The following PER2 variants were observed in gnomAD, a reference collection of about 807,000 sequenced individuals.
PER2 encodes the protein period circadian regulator 2, also known as period circadian protein homolog 2.
Under a neutral mutation model 121.0 loss-of-function variants are expected in PER2, and 66 were observed. That is an observed-to-expected ratio of 0.55 (90% CI 0.45 to 0.67). The LOEUF is 0.67. Ranked by LOEUF, PER2 falls within the 30% of genes least tolerant of loss-of-function variation. The probability of loss-of-function intolerance (pLI) is 0.00; values close to 1 mark genes in which losing one functional copy is unlikely to be tolerated. For missense variants in PER2, 1,521 were observed against 1,635.0 expected (o/e 0.93, Z 1.20); for synonymous variants, 684 against 659.9 (o/e 1.04, Z -0.56).
upstream of PER2, among the ~76,000 whole-genome samples, chr2:238,292,706 G>A (rs948202980): frequency 2.0e-5 from 3 of 149,410 alleles, no homozygotes; most frequent in Non-Finnish European, 3.0e-5. Flanking sequence ...ATTCTAATTC[G>A]CTAAGATTTT....
Position 238,253,409 on chromosome 2 carries a change from G to C in PER2, c.2614C>G (p.Pro872Ala), listed in dbSNP as rs1163195457. 6.2e-7 allele frequency: 1 copy of C among 1,610,498 alleles called. No homozygotes were observed. ...GCAGGCACTGTGAAGCTGGCGTGGGGAGGTGCCGGGGGTGCTGCCACAGTC... is the reference window on the plus strand; with the variant it reads ...GCAGGCACTGTGAAGCTGGCGTGGGCAGGTGCCGGGGGTGCTGCCACAGTC... The part of the protein sequence containing the change: ...PGTVAAPPAP[P>A]HASFTVPAVP... Residue 872 changes from proline (P) to alanine (A), a missense_variant, in exon 19 of 23, where the codon CCC (proline) becomes GCC (alanine). Physicochemically the swap from Pro to Ala is conservative, Grantham distance 27 (BLOSUM62 -1). Transcript: ENST00000254657. This position sits in a 1 kb window ranked among gnomAD's most constrained non-coding sequence, Gnocchi z 5.6.
chr2:238,292,448 C>T (rs1696964624), upstream of PER2, among the ~76,000 whole-genome samples: 1 of 152,152 alleles, frequency 6.6e-6, no homozygotes, highest in Non-Finnish European at 1.5e-5. Flanking sequence ...GTCCCAATGG[C>T]TCCTTTGCAA....
chr2:238,277,695 G>C lies in PER2; in HGVS notation c.230+12C>G, dbSNP rs372260440. The C allele has an allele frequency of 1.2e-6, 2 of 1,613,826 alleles. No homozygotes were observed. The highest frequency in any genetic ancestry group is 2.7e-5 in the African/African-American group (2 of 74,940). The stretch of plus-strand genomic sequence containing the variant: ...CCTGCCCAGCCTCCATCTGGCCAGA[G>C]GCTGAACTCACCTCTGGCGGGCATC... On this transcript the variant is annotated intron_variant, in intron 2 of 22. Coordinates refer to ENST00000254657, the MANE Select transcript of PER2 (RefSeq NM_022817.3).
chr2:238,276,532 G>C (rs970570576), intron 3 of PER2, among the ~76,000 whole-genome samples: 6 of 152,186 alleles, frequency 3.9e-5, no homozygotes, highest in Non-Finnish European at 5.9e-5. Flanking sequence ...CTGAGTGATG[G>C]GATTACAGAG....
Position 238,258,318 on chromosome 2 carries a change from C to A in PER2, c.1858G>T (p.Asp620Tyr). ...GGGCTGACTGTGGCCTTCCGCTTAT[C>A]ACTGGACCTTAGCGCTGGGACGTTT... ...PANVPALRSSDKRKATVSPGP... is the reference protein window; with the variant it reads ...PANVPALRSSYKRKATVSPGP... The change falls in exon 16 of 23, where the codon GAT becomes TAT. Residue 620 changes from aspartate (D) to tyrosine (Y), a missense_variant. By Grantham distance (160) the Asp-to-Tyr change is radical (BLOSUM62 -3). Transcript: ENST00000254657. The A allele has an allele frequency of 1.9e-6, 3 of 1,614,220 alleles. No individual in the cohort carries two copies. The highest frequency in any genetic ancestry group is 2.2e-5 in the East Asian group (1 of 44,892).
the PER2 span, among the ~76,000 whole-genome samples, chr2:238,297,160 C>T: frequency 6.6e-6 from 1 of 152,174 alleles, no homozygotes; most frequent in African/African-American, 2.4e-5. Context: ...CCACATCCAC[C>T]CCGCACATCC....
chr2:238,250,107 C>T lies in PER2; in HGVS notation c.3467+444G>A, dbSNP rs372869623. ...GCAGCCTGATGTGGACACAGAGCCC[C>T]GGGTCACTGCAGAGCAGCCCGCTCC... On this transcript the variant is annotated intron_variant, in intron 21 of 22. Coordinates refer to ENST00000254657, the MANE Select transcript of PER2 (RefSeq NM_022817.3). Among the ~76,000 whole-genome samples, 23 of 152,256 alleles carry T rather than the reference C, an allele frequency of 1.5e-4. No homozygotes were observed. In the East Asian group the frequency reaches 1.5e-3, roughly 10 times the overall value.
At position 238,251,651 on chromosome 2, in the gene PER2, C is replaced by T. The variant is rs569166271; in HGVS notation, c.3222G>A (p.Ser1074=). The T allele has an allele frequency of 9.9e-6, 16 of 1,614,178 alleles. No individual in the cohort carries two copies. The highest frequency in any genetic ancestry group is 4.0e-5 in the African/African-American group (3 of 75,038). Residue 1074 remains serine, a synonymous_variant, in exon 20 of 23, where the codon TCG becomes TCA. Transcript: ENST00000254657. ...CCAGTGAGCCGGAGCCCAGAGACTC[C>T]GAAGCAGCAGAGCCCGAGGCTGAGC... The part of the protein sequence containing the change: ...DLCSASGSAA[S]ESLGSGSLGC...
intron 3 of PER2, among the ~76,000 whole-genome samples, chr2:238,276,623 A>G (rs769662679): frequency 6.6e-6 from 1 of 152,210 alleles, no homozygotes; most frequent in Non-Finnish European, 1.5e-5. Flanking sequence ...GTCTTCAAAC[A>G]TTAATTGAGG....
At chr2:238,287,091 C>T (rs941752168) in intron 1 of PER2, among the ~76,000 whole-genome samples, 8 of 152,196 alleles carry the variant, frequency 5.3e-5, no homozygotes, top group Non-Finnish European at 1.0e-4. Flanking sequence ...GACTGGGAGC[C>T]AGCAGCAGCC....
chr2:238,271,977 T>G (rs1696305070), intron 5 of PER2, among the ~76,000 whole-genome samples: 1 of 152,066 alleles, frequency 6.6e-6, no homozygotes, highest in Admixed American at 6.5e-5. Flanking sequence ...TCCAAGCTTG[T>G]GATAAGCCCC....
upstream of PER2, among the ~76,000 whole-genome samples, chr2:238,292,171 A>G (rs902601967): frequency 7.2e-5 from 11 of 152,250 alleles, no homozygotes; most frequent in Non-Finnish European, 1.5e-4. Flanking sequence ...CTTTTCAAAA[A>G]AAGAAGAAGG....
chr2:238,252,145 G>A lies in PER2; in HGVS notation c.3112-384C>T, dbSNP rs550780410. 5.3e-5 allele frequency among the ~76,000 whole-genome samples: 8 copies of A among 152,284 alleles called. No homozygotes were observed. Among genetic ancestry groups the A allele is most frequent in the African/African-American group, 1.7e-4 (7 of 41,542 alleles). Reference sequence around the variant, plus strand: ...TGTGGGGGCTGCCTTGGGATTGAGGGCGGGGCCTGGCCTGGGGAGCATCCC... The same window carrying A: ...TGTGGGGGCTGCCTTGGGATTGAGGACGGGGCCTGGCCTGGGGAGCATCCC... On this transcript the variant is annotated intron_variant, in intron 19 of 22. Coordinates refer to ENST00000254657, the MANE Select transcript of PER2 (RefSeq NM_022817.3). The surrounding 1 kb of genome is among the most constrained non-coding windows in gnomAD (Gnocchi z 4.2).
intron 1 of PER2, among the ~76,000 whole-genome samples, chr2:238,284,229 G>T (rs1429788794): frequency 6.6e-6 from 1 of 152,096 alleles, no homozygotes; most frequent in African/African-American, 2.4e-5. Flanking sequence ...GATCACCCGA[G>T]GTCAGGAGTT....
chr2:238,283,937 C>G (rs1405057561), intron 1 of PER2, among the ~76,000 whole-genome samples: 1 of 152,176 alleles, frequency 6.6e-6, no homozygotes, highest in East Asian at 1.9e-4. Context: ...GTTAAGGGCA[C>G]AGGTCCTGGG....
At position 238,277,128 on chromosome 2, in the gene PER2, T is replaced by C; in HGVS notation, c.293+3A>G. 6.2e-7 allele frequency: 1 copy of C among 1,602,278 alleles called. No individual in the cohort carries two copies. Among genetic ancestry groups the C allele is most frequent in the Non-Finnish European group, 8.6e-7 (1 of 1,169,168 alleles). On this transcript the variant is annotated splice_donor_region_variant and intron_variant, in intron 3 of 22. Transcript: ENST00000254657. ...CTATGTATGAAGTTCTAATTGGCCT[T>C]ACCTGCAGCCACTTGTAGATGGGTT...
At chr2:238,275,645 C>A in intron 4 of PER2, 98 bp downstream of exon 4, 3 of 1,347,098 alleles carry the variant, frequency 2.2e-6, no homozygotes, top group Non-Finnish European at 3.2e-6. Context: ...CTGCGATGAG[C>A]CTCGAGTTTT....
rs1553602420 is a variant in PER2, at chr2:238,251,693, C to T, written c.3180G>A (p.Leu1060=). 1.1e-5 allele frequency: 18 copies of T among 1,614,056 alleles called. No homozygotes were observed. The highest frequency in any genetic ancestry group is 5.9e-6 in the Non-Finnish European group (7 of 1,179,920). Residue 1060 remains leucine (L), a synonymous_variant, in exon 20 of 23, where the codon CTG becomes CTA. Transcript: ENST00000254657. ...AGGCTGAGCAGAGGTCCTCATTCAG[C>T]AGGAGGTTTAGGAGGCCGCTTGACG... ...LSTSSGLLNL[L]LNEDLCSASG... is the part of the protein sequence containing the mutation.
chr2:238,266,980 G>A (rs963339000), intron 8 of PER2, among the ~76,000 whole-genome samples: 12 of 151,694 alleles, frequency 7.9e-5, no homozygotes, highest in African/African-American at 2.4e-4. Flanking sequence ...TCCAGGAGGC[G>A]GAGGTTGCAG....
Sources: gnomAD v4.1 joint callset for allele counts (sites outside exome capture counted in the v4.1 genomes callset) on GRCh38, gnomAD v4.1.1 for gene constraint, Gnocchi (gnomAD v3.1) non-coding constraint, MANE v1.5 for transcripts, NCBI Gene and HGNC (gene_info 2026-07-23, HGNC 2026-07-21) for gene names.